Variants in NALF1 observed in about 807,000 individuals in gnomAD.
The protein encoded by NALF1 is family with sequence similarity 155 member A.
Under a neutral mutation model 48.4 loss-of-function variants are expected in NALF1, and 3 were observed. The ratio of observed to expected loss-of-function variants is 0.06; its 90% CI spans 0.03 to 0.16. NALF1 has a LOEUF of 0.16. NALF1 is among the 10% of genes least tolerant of loss of function. NALF1 has a pLI of 1.00. For missense variants in NALF1, 526 were observed against 571.5 expected (o/e 0.92, Z 0.81); for synonymous variants, 262 against 245.7 (o/e 1.07, Z -0.62).
intron 1 of NALF1, among the ~76,000 whole-genome samples, chr13:107,843,025 C>G (rs1287169663): frequency 6.6e-6 from 1 of 152,116 alleles, no homozygotes; most frequent in East Asian, 1.9e-4. Context: ...ATTATCCAGG[C>G]CACTGATACC....
At chr13:107,244,839 C>A (rs962187439) in intron 1 of NALF1, among the ~76,000 whole-genome samples, 1 of 152,144 alleles carries the variant, frequency 6.6e-6, no homozygotes, top group Non-Finnish European at 1.5e-5. Context: ...TATTTGCCTA[C>A]TAATTTTTTT....
chr13:107,279,053 T>C (rs1218385465), intron 1 of NALF1, among the ~76,000 whole-genome samples: 3 of 149,686 alleles, frequency 2.0e-5, no homozygotes, highest in Middle Eastern at 3.4e-3. Flanking sequence ...CTTTTTTTTT[T>C]TTTTTTTTGC....
intron 2 of NALF1, among the ~76,000 whole-genome samples, chr13:107,197,594 C>T (rs1879420408): frequency 6.6e-6 from 1 of 152,248 alleles, no homozygotes; most frequent in Non-Finnish European, 1.5e-5. Context: ...ACTGCATCCA[C>T]TCTCGTGTCT....
At chr13:107,197,707 G>A (rs941944672) in intron 2 of NALF1, among the ~76,000 whole-genome samples, 4 of 152,178 alleles carry the variant, frequency 2.6e-5, no homozygotes, top group Non-Finnish European at 5.9e-5. Flanking sequence ...CTACAGCTCT[G>A]TGATTTTACG....
intron 1 of NALF1, among the ~76,000 whole-genome samples, chr13:107,705,970 T>G (rs1385558928): frequency 6.6e-6 from 1 of 152,136 alleles, no homozygotes; most frequent in Non-Finnish European, 1.5e-5. Context: ...AGAGATAGAC[T>G]CTTTGAGCTT....
chr13:107,321,988 C>T (rs1115997), intron 1 of NALF1, among the ~76,000 whole-genome samples: 53,728 of 151,908 alleles, frequency 0.35, 11,560 homozygotes, highest in South Asian at 0.54. Flanking sequence ...GTTTTTCATA[C>T]CCATACCACC....
At chr13:107,513,353 C>A (rs896139973) in intron 1 of NALF1, among the ~76,000 whole-genome samples, 2 of 152,102 alleles carry the variant, frequency 1.3e-5, no homozygotes, top group Admixed American at 6.6e-5. Flanking sequence ...GTTGCCTTAG[C>A]GATCTATTTT....
At chr13:107,837,338 T>C (rs1002900177) in intron 1 of NALF1, among the ~76,000 whole-genome samples, 36 of 152,332 alleles carry the variant, frequency 2.4e-4, no homozygotes, top group African/African-American at 8.7e-4. Flanking sequence ...TCTCAGATGT[T>C]ATTATGCTTG....
chr13:107,850,021 A>T lies in NALF1; in HGVS notation c.915+15661T>A, dbSNP rs376146013. 4.9e-4 allele frequency among the ~76,000 whole-genome samples: 75 copies of T among 152,292 alleles called. 1 individual carries two copies. The South Asian group carries it at 0.016, about 32-fold the overall frequency. ...TTGTATGCAACCTTTGAAAATTAAG[A>T]TTGTTTCTACACCAAGTAATATGAC... On this transcript the variant is annotated intron_variant, in intron 1 of 2. Transcript: ENST00000375915.
At chr13:107,771,552 G>A (rs1408096160) in intron 1 of NALF1, among the ~76,000 whole-genome samples, 2 of 150,706 alleles carry the variant, frequency 1.3e-5, no homozygotes, top group South Asian at 2.1e-4. Context: ...TGTCAGAGGC[G>A]TTCGAACCAG....
intron 1 of NALF1, among the ~76,000 whole-genome samples, chr13:107,793,943 T>G (rs1878328545): frequency 6.6e-6 from 1 of 152,170 alleles, no homozygotes; most frequent in South Asian, 2.1e-4. Context: ...TTATTCACTC[T>G]TATTTCAGAT....
At chr13:107,433,392 C>T (rs1025919385) in intron 1 of NALF1, among the ~76,000 whole-genome samples, 6 of 152,056 alleles carry the variant, frequency 3.9e-5, no homozygotes, top group Non-Finnish European at 8.8e-5. Context: ...CTTAACTAGT[C>T]ACAGATTTGG....
intron 1 of NALF1, among the ~76,000 whole-genome samples, chr13:107,377,199 G>A (rs192275638): frequency 4.6e-5 from 7 of 152,310 alleles, no homozygotes; most frequent in Non-Finnish European, 1.0e-4. Context: ...AGGACCCGGT[G>A]CTGATCAAAA....
intron 1 of NALF1, among the ~76,000 whole-genome samples, chr13:107,544,052 A>C (rs183012950): frequency 6.6e-6 from 1 of 152,284 alleles, no homozygotes; most frequent in East Asian, 1.9e-4. Flanking sequence ...GTCAAAACAT[A>C]ATGTATTTTG....
At chr13:107,212,635 C>T (rs1234510729) in intron 1 of NALF1, among the ~76,000 whole-genome samples, 1 of 152,098 alleles carries the variant, frequency 6.6e-6, no homozygotes, top group Non-Finnish European at 1.5e-5. Flanking sequence ...AAACGTTTGT[C>T]AAAATGCCAT....
chr13:107,283,908 C>A (rs1449479776), intron 1 of NALF1, among the ~76,000 whole-genome samples: 2 of 152,006 alleles, frequency 1.3e-5, no homozygotes, highest in Non-Finnish European at 2.9e-5. Context: ...ATCCACCCAC[C>A]TCGGCCTCCC....
At chr13:107,551,901 A>G (rs1266035971) in intron 1 of NALF1, among the ~76,000 whole-genome samples, 1 of 152,140 alleles carries the variant, frequency 6.6e-6, no homozygotes, top group Admixed American at 6.6e-5. Flanking sequence ...TTCTTTCCTA[A>G]GAGCAAGTAG....
At position 107,859,296 on chromosome 13, in the gene NALF1, A is replaced by C. The variant is rs564123968; in HGVS notation, c.915+6386T>G. 2.4e-4 allele frequency among the ~76,000 whole-genome samples: 36 copies of C among 152,316 alleles called. No individual in the cohort carries two copies. The South Asian group carries it at 6.8e-3, about 29-fold the overall frequency. ...TTCCGAAGAAATGATTATTGCATTC[A>C]CCCACCACACATGTTCTACTGCTAA... On this transcript the variant is annotated intron_variant, in intron 1 of 2. Transcript: ENST00000375915.
chr13:107,759,743 C>CT (rs1877212947), intron 1 of NALF1, among the ~76,000 whole-genome samples: 1 of 151,514 alleles, frequency 6.6e-6, no homozygotes, highest in South Asian at 2.1e-4. Flanking sequence ...CCTCAATTAG[C>CT]TATCTTCAAA....
Sources: gnomAD v4.1 joint callset for allele counts (sites outside exome capture counted in the v4.1 genomes callset) on GRCh38, gnomAD v4.1.1 for gene constraint, MANE v1.5 for transcripts, NCBI Gene and HGNC (gene_info 2026-07-23, HGNC 2026-07-21) for gene names.